Variants in TRIM14 observed in about 807,000 individuals in gnomAD.
TRIM14 encodes the protein tripartite motif containing 14.
TRIM14 carries 28 observed loss-of-function variants against 44.5 expected under a neutral mutation model. That is an observed-to-expected ratio of 0.63 (90% CI 0.47 to 0.86). The LOEUF (loss-of-function observed/expected upper bound fraction) is 0.86. TRIM14 is among the 40% of genes least tolerant of loss of function. The pLI is 0.00. For synonymous variants in TRIM14, 299 were observed against 269.2 expected, an observed-to-expected ratio of 1.11 and a Z score of -1.08; for missense variants, 607 against 611.1, an observed-to-expected ratio of 0.99 and a Z score of 0.07.
intron 5 of TRIM14, 147 bp downstream of exon 5, chr9:98,091,761 CA>C: frequency 2.2e-6 from 1 of 447,766 alleles, no homozygotes; most frequent in Non-Finnish European, 3.6e-6. Flanking sequence ...TAATAATAAA[CA>C]TTTTTTAAAA....
chr9:98,049,298 C>T, the TRIM14 span, among the ~76,000 whole-genome samples: 4 of 129,198 alleles, frequency 3.1e-5, no homozygotes, highest in African/African-American at 1.2e-4. Context: ...GCCAAGATTG[C>T]ACCACTACAC....
chr9:98,059,350 C>A, the TRIM14 span, among the ~76,000 whole-genome samples: 1 of 152,172 alleles, frequency 6.6e-6, no homozygotes, highest in Non-Finnish European at 1.5e-5. Flanking sequence ...AGCATGAATA[C>A]CTCTGTGTCT....
intron 5 of TRIM14, among the ~76,000 whole-genome samples, chr9:98,089,121 ATTATT>A (rs1453646942): frequency 1.3e-5 from 2 of 152,190 alleles, no homozygotes; most frequent in African/African-American, 4.8e-5. Context: ...AAGAGAATGA[ATTATT>A]TTTAAGATTT....
At chr9:98,069,071 C>G (rs1173001777), downstream of TRIM14, among the ~76,000 whole-genome samples, 6 of 152,116 alleles carry the variant, frequency 3.9e-5, no homozygotes, top group African/African-American at 1.4e-4. Flanking sequence ...ATATGACCCA[C>G]CAGTTGTCAT....
the TRIM14 span, among the ~76,000 whole-genome samples, chr9:98,058,768 T>C: frequency 1.3e-5 from 2 of 152,272 alleles, no homozygotes; most frequent in East Asian, 3.9e-4. Flanking sequence ...TCTAATTCCA[T>C]TGAGCTGGAA....
rs940182269 is a variant in TRIM14, at chr9:98,109,747, C to T, written c.303+142G>A. On this transcript the variant is annotated intron_variant, in intron 2 of 5. Coordinates refer to ENST00000341469, the MANE Select transcript of TRIM14 (RefSeq NM_014788.4). ...ATTTTGTGTTCTTTTTCTAAAGAAC[C>T]CTGAATTATAGAAGCTCCAGGCCCC... 5.7e-6 allele frequency: 4 copies of T among 696,086 alleles called. No individual in the cohort carries two copies. The African/African-American group carries it at 7.1e-5, about 12-fold the overall frequency. 43.1% of individuals were successfully genotyped at this position (696,086 alleles called of 1,614,324 possible). A position where few individuals can be genotyped will look rare whatever the true frequency, so the allele number is the denominator to read the frequency against.
At chr9:98,092,097 C>A (rs1826015236) in intron 4 of TRIM14, 96 bp from the exon 5 acceptor site, 1 of 918,482 alleles carries the variant, frequency 1.1e-6, no homozygotes, top group Non-Finnish European at 1.6e-6. Flanking sequence ...TTCGCATAAT[C>A]TCGCCCAAGA....
chr9:98,072,435 G>A (rs866257044), intron 6 of TRIM14, among the ~76,000 whole-genome samples: 5 of 149,736 alleles, frequency 3.3e-5, no homozygotes, highest in South Asian at 2.1e-4. Flanking sequence ...TTTTTGAGAC[G>A]GAGTCTCGCT....
At chr9:98,093,401 T>C (rs951802188) in intron 4 of TRIM14, among the ~76,000 whole-genome samples, 5 of 152,224 alleles carry the variant, frequency 3.3e-5, no homozygotes, top group Admixed American at 3.3e-4. Flanking sequence ...AGAGCTCATT[T>C]AATCCTCACA....
chr9:98,095,999 T>G lies in TRIM14; in HGVS notation c.538-970A>C, dbSNP rs145807342. 3.9e-5 allele frequency among the ~76,000 whole-genome samples: 6 copies of G among 152,344 alleles called. No individual in the cohort carries two copies. In the East Asian group the frequency reaches 1.2e-3, roughly 29 times the overall value. ...AAACAGTTCCAGTGGATTCTCATGT[T>G]TGCAGGTAAGAACCATGGCTGCATT... is the stretch of plus-strand genomic sequence containing the variant. On this transcript the variant is annotated intron_variant, in intron 3 of 5. Transcript: ENST00000341469. The surrounding 1 kb of genome is among the most constrained non-coding windows in gnomAD (Gnocchi z 4.1).
chr9:98,061,072 T>C, the TRIM14 span: 1 of 1,423,538 alleles, frequency 7.0e-7, no homozygotes, highest in Non-Finnish European at 9.9e-7. Flanking sequence ...GACTTCCGGC[T>C]TAGGGCCACC....
chr9:98,037,393 CAAAA>C, the TRIM14 span, among the ~76,000 whole-genome samples: 3 of 151,622 alleles, frequency 2.0e-5, no homozygotes, highest in South Asian at 6.3e-4. Context: ...AACAAACAAA[CAAAA>C]AAAAGTGGGT....
the TRIM14 span, among the ~76,000 whole-genome samples, chr9:98,046,378 A>T: frequency 1.3e-5 from 2 of 152,178 alleles, no homozygotes; most frequent in African/African-American, 2.4e-5. Context: ...GCATTTGAAA[A>T]TGAGGGCTCC....
chr9:98,094,191 G>C (rs1197855735), intron 4 of TRIM14, among the ~76,000 whole-genome samples: 3 of 152,222 alleles, frequency 2.0e-5, no homozygotes, highest in African/African-American at 7.2e-5. Context: ...AGAGGGGCTT[G>C]ATAAATGTTC....
chr9:98,091,822 A>G, intron 5 of TRIM14, 87 bp downstream of exon 5: 4 of 801,776 alleles, frequency 5.0e-6, no homozygotes, highest in Non-Finnish European at 7.3e-6. Context: ...AGAAAAAAAG[A>G]GGGACCTCCA....
In TRIM14 at chr9:98,087,616, G is replaced by A. The variant is rs1258606149; in HGVS notation, c.1183C>T (p.Leu395=). The A allele has an allele frequency of 1.2e-6, 2 of 1,601,476 alleles. No homozygotes were observed. The highest frequency in any genetic ancestry group is 3.4e-5 in the Admixed American group (2 of 59,414). Residue 395 remains leucine (L), a synonymous_variant, in exon 6 of 6, where the codon CTG becomes TTG. Transcript: ENST00000341469. Reference sequence around the variant, plus strand: ...GCGAGGACGCCGGCCTCGTAGTCCAGGAAGACGCCGAGCCGGTCGAGGTCG... The same window carrying A: ...GCGAGGACGCCGGCCTCGTAGTCCAAGAAGACGCCGAGCCGGTCGAGGTCG... ...RDDLDRLGVF[L]DYEAGVLAFY...
chr9:98,058,259 T>C, the TRIM14 span, among the ~76,000 whole-genome samples: 4 of 152,194 alleles, frequency 2.6e-5, no homozygotes, highest in African/African-American at 9.7e-5. Flanking sequence ...ACCTAATCAC[T>C]GAATCATAAA....
chr9:98,082,966 G>C (rs1474490985), downstream of TRIM14: 1 of 1,614,092 alleles, frequency 6.2e-7, no homozygotes, highest in Non-Finnish European at 8.5e-7. Context: ...CTTTAATCTA[G>C]TGGGCAAGAA....
chr9:98,054,206 T>C, the TRIM14 span, among the ~76,000 whole-genome samples: 2,227 of 152,214 alleles, frequency 0.015, 65 homozygotes, highest in African/African-American at 0.051. Flanking sequence ...CCTGCTGGAC[T>C]TGCATCAGAA....
Sources: allele counts gnomAD v4.1 joint callset (sites outside exome capture counted in the v4.1 genomes callset), GRCh38; gene constraint gnomAD v4.1.1; non-coding constraint Gnocchi (gnomAD v3.1); transcripts MANE v1.5; gene names NCBI Gene and HGNC (gene_info 2026-07-23, HGNC 2026-07-21).